Variants in CTNNA3 observed in about 807,000 individuals in gnomAD.
CTNNA3 encodes catenin alpha 3.
A neutral mutation model predicts 95.7 loss-of-function variants in CTNNA3; 76 were observed. That is an observed-to-expected ratio of 0.79 (90% CI 0.66 to 0.96). The LOEUF is 0.96. Ranked by LOEUF, CTNNA3 falls within the 40% of genes least tolerant of loss-of-function variation. CTNNA3 has a pLI of 0.00. For missense variants in CTNNA3, 1,191 were observed against 1,089.8 expected, an observed-to-expected ratio of 1.09 and a Z score of -1.31; for synonymous variants, 431 against 374.4, an observed-to-expected ratio of 1.15 and a Z score of -1.74.
chr10:66,881,086 C>A (rs903306239), intron 7 of CTNNA3, among the ~76,000 whole-genome samples: 2 of 152,066 alleles, frequency 1.3e-5, no homozygotes, highest in African/African-American at 4.8e-5. Context: ...GGGTGACCTA[C>A]TGGCAGGTTT....
chr10:66,449,720 A>G (rs1396901157), intron 11 of CTNNA3, among the ~76,000 whole-genome samples: 1 of 152,046 alleles, frequency 6.6e-6, no homozygotes, highest in Non-Finnish European at 1.5e-5. Flanking sequence ...ATCTTAGAAA[A>G]ACCATTTAAT....
intron 9 of CTNNA3, among the ~76,000 whole-genome samples, chr10:66,682,055 C>CAAG (rs1175884366): frequency 2.0e-5 from 3 of 152,200 alleles, no homozygotes; most frequent in Non-Finnish European, 4.4e-5. Flanking sequence ...GTAGCACCTG[C>CAAG]AAGAGCCCAA....
At chr10:66,285,885 T>A (rs2091579152) in intron 12 of CTNNA3, among the ~76,000 whole-genome samples, 2 of 55,556 alleles carry the variant, frequency 3.6e-5, no homozygotes, top group South Asian at 9.9e-4. Context: ...CTGCATATAC[T>A]TTTTGTATCA....
intron 16 of CTNNA3, among the ~76,000 whole-genome samples, chr10:65,984,014 G>A (rs970455202): frequency 4.6e-5 from 7 of 151,020 alleles, no homozygotes; most frequent in African/African-American, 1.7e-4. Flanking sequence ...AATAATATAT[G>A]TAATAGATGA....
chr10:66,209,521 C>G (rs1019108273), intron 13 of CTNNA3, among the ~76,000 whole-genome samples: 3 of 151,972 alleles, frequency 2.0e-5, no homozygotes, highest in Admixed American at 6.6e-5. Flanking sequence ...AAAGCTAGTT[C>G]CAAAGCCCCG....
chr10:66,937,788 T>A (rs1354859416), intron 7 of CTNNA3, among the ~76,000 whole-genome samples: 2 of 152,128 alleles, frequency 1.3e-5, no homozygotes, highest in Non-Finnish European at 2.9e-5. Context: ...GAAATGCCCT[T>A]CCTCCCTCCC....
chr10:66,477,527 C>T (rs1228598100), intron 11 of CTNNA3, among the ~76,000 whole-genome samples: 1 of 151,984 alleles, frequency 6.6e-6, no homozygotes, highest in Non-Finnish European at 1.5e-5. Flanking sequence ...CTACGACCCA[C>T]TCTGAAAATT....
At chr10:67,213,572 A>G (rs1247307486) in intron 6 of CTNNA3, among the ~76,000 whole-genome samples, 1 of 151,806 alleles carries the variant, frequency 6.6e-6, no homozygotes, top group Admixed American at 6.6e-5. Context: ...ATAAGCATGT[A>G]TAGGTGAGAA....
chr10:66,755,670 G>T (rs955143171), intron 9 of CTNNA3, among the ~76,000 whole-genome samples: 1 of 152,040 alleles, frequency 6.6e-6, no homozygotes, highest in African/African-American at 2.4e-5. Context: ...CCGCTTCTGG[G>T]TGTCTACAAG....
intron 9 of CTNNA3, among the ~76,000 whole-genome samples, chr10:66,704,234 T>C (rs905304787): frequency 6.6e-6 from 1 of 152,134 alleles, no homozygotes; most frequent in Admixed American, 6.6e-5. Context: ...AGGTCATATA[T>C]GGTAGTCAAC....
chr10:67,676,061 A>C (rs1264974609), intron 1 of CTNNA3, among the ~76,000 whole-genome samples: 1 of 152,114 alleles, frequency 6.6e-6, no homozygotes, highest in Non-Finnish European at 1.5e-5. Context: ...CTAAAGGCCG[A>C]GGCACCCAAG....
chr10:66,300,380 AC>A (rs1344670889), intron 12 of CTNNA3, among the ~76,000 whole-genome samples: 1 of 152,078 alleles, frequency 6.6e-6, no homozygotes, highest in Non-Finnish European at 1.5e-5. Flanking sequence ...TACTTCTGGC[AC>A]CAGGAGGATT....
intron 8 of CTNNA3, 28 bp from the exon 9 acceptor site, chr10:66,766,444 T>C (rs1372451966): frequency 6.3e-7 from 1 of 1,576,770 alleles, no homozygotes. Flanking sequence ...ATTCAGGTTT[T>C]TTTTTTCCAG....
chr10:66,184,972 T>C, intron 13 of CTNNA3, among the ~76,000 whole-genome samples: 1 of 152,228 alleles, frequency 6.6e-6, no homozygotes, highest in East Asian at 1.9e-4. Context: ...TGTTGAATAT[T>C]CACTGGAAGA....
At chr10:67,105,631 G>A (rs1047999995) in intron 7 of CTNNA3, among the ~76,000 whole-genome samples, 3 of 152,226 alleles carry the variant, frequency 2.0e-5, no homozygotes, top group South Asian at 4.1e-4. Context: ...ATTGGTCACC[G>A]CTGTTTTTCT....
chr10:66,256,427 T>C (rs984154246), intron 13 of CTNNA3, among the ~76,000 whole-genome samples: 1 of 152,010 alleles, frequency 6.6e-6, no homozygotes, highest in African/African-American at 2.4e-5. Flanking sequence ...ATATCAAAAA[T>C]AAAAAAGGTG....
At chr10:66,331,348 T>TTTTG in intron 12 of CTNNA3, among the ~76,000 whole-genome samples, 1 of 77,576 alleles carries the variant, frequency 1.3e-5, no homozygotes, top group African/African-American at 5.3e-5. Context: ...GTTTGTTTTT[T>TTTTG]TTTTTTTTTT....
At chr10:66,288,075 T>C (rs1347148033) in intron 12 of CTNNA3, among the ~76,000 whole-genome samples, 1 of 152,116 alleles carries the variant, frequency 6.6e-6, no homozygotes, top group Non-Finnish European at 1.5e-5. Flanking sequence ...GATGTTGGCT[T>C]GAACTCATAA....
chr10:67,198,286 TA>T (rs961069215), intron 6 of CTNNA3, among the ~76,000 whole-genome samples: 4 of 152,164 alleles, frequency 2.6e-5, no homozygotes, highest in Non-Finnish European at 5.9e-5. Flanking sequence ...ACTATTTCCC[TA>T]AGCAAGTGGG....
Sources: allele counts gnomAD v4.1 joint callset (sites outside exome capture counted in the v4.1 genomes callset), GRCh38; gene constraint gnomAD v4.1.1; transcripts MANE v1.5; gene names NCBI Gene and HGNC (gene_info 2026-07-23, HGNC 2026-07-21).